The following LRRC37A2 variants were observed in gnomAD, a reference collection of about 807,000 sequenced individuals.
LRRC37A2 encodes the protein leucine rich repeat containing 37 member A2, also known as leucine-rich repeat-containing protein 37A2.
Under a neutral mutation model 68.8 loss-of-function variants are expected in LRRC37A2, and 9 were observed. The observed-to-expected ratio is 0.13, with a 90% confidence interval of 0.08 to 0.23. The LOEUF (loss-of-function observed/expected upper bound fraction) is 0.23, where lower values mean the gene tolerates loss of function less well. LRRC37A2 is among the 10% of genes least tolerant of loss of function. LRRC37A2 has a pLI of 1.00. For missense variants in LRRC37A2, 168 were observed against 950.4 expected (o/e 0.18, Z 10.82); for synonymous variants, 63 against 367.6 (o/e 0.17, Z 9.48).
the LRRC37A2 span, among the ~76,000 whole-genome samples, chr17:47,004,223 T>G: frequency 6.6e-6 from 1 of 152,252 alleles, no homozygotes; most frequent in Non-Finnish European, 1.5e-5. Context: ...TATAATCCTT[T>G]GGGTATATAC....
chr17:46,865,787 A>C, the LRRC37A2 span, among the ~76,000 whole-genome samples: 2 of 151,922 alleles, frequency 1.3e-5, no homozygotes, highest in Admixed American at 1.3e-4. Context: ...TTAATTTTTA[A>C]TTTTGTAGAG....
the LRRC37A2 span, among the ~76,000 whole-genome samples, chr17:46,894,088 T>G: frequency 6.6e-6 from 1 of 152,218 alleles, no homozygotes; most frequent in African/African-American, 2.4e-5. Flanking sequence ...GGTGCCGCCC[T>G]GATTGCAGCC....
chr17:46,943,610 C>CGTAGTA, the LRRC37A2 span, among the ~76,000 whole-genome samples: 1 of 152,218 alleles, frequency 6.6e-6, no homozygotes, highest in Non-Finnish European at 1.5e-5. Context: ...ATCCCGGGCA[C>CGTAGTA]GTAGTAGGCG....
chr17:46,978,529 C>T, the LRRC37A2 span: 2 of 1,346,888 alleles, frequency 1.5e-6, no homozygotes, highest in Non-Finnish European at 2.0e-6. Flanking sequence ...CCCGGGCGCC[C>T]CAGGCACGTA....
the LRRC37A2 span, among the ~76,000 whole-genome samples, chr17:46,829,650 G>A: frequency 2.0e-5 from 3 of 152,152 alleles, no homozygotes; most frequent in East Asian, 5.8e-4. Flanking sequence ...TCTCTGCTGG[G>A]AGGGGCTGGT....
chr17:46,979,528 A>T, the LRRC37A2 span, among the ~76,000 whole-genome samples: 2 of 152,178 alleles, frequency 1.3e-5, no homozygotes, highest in Non-Finnish European at 2.9e-5. Flanking sequence ...TACCCTTAGC[A>T]GTGAAGTTAT....
chr17:46,813,615 A>C, the LRRC37A2 span, among the ~76,000 whole-genome samples: 2 of 151,974 alleles, frequency 1.3e-5, no homozygotes, highest in African/African-American at 4.8e-5. Context: ...CTCCTGGCTC[A>C]TCACATTCTG....
the LRRC37A2 span, among the ~76,000 whole-genome samples, chr17:46,760,965 T>C: frequency 7.4e-4 from 112 of 152,318 alleles, no homozygotes; most frequent in Non-Finnish European, 1.3e-3. Context: ...AGATACCTCA[T>C]TGTATATATG....
At chr17:46,973,671 G>C in the LRRC37A2 span, among the ~76,000 whole-genome samples, 1 of 152,286 alleles carries the variant, frequency 6.6e-6, no homozygotes, top group Admixed American at 6.5e-5. Context: ...CCGAGCTGGG[G>C]TTTGCTGTCC....
the LRRC37A2 span, among the ~76,000 whole-genome samples, chr17:46,500,892 G>A: frequency 6.6e-6 from 1 of 151,034 alleles, no homozygotes; most frequent in South Asian, 2.1e-4. Flanking sequence ...AGAAATGCAA[G>A]TTCTGGGCCG....
At chr17:47,000,070 A>T in the LRRC37A2 span, among the ~76,000 whole-genome samples, 103 of 50,122 alleles carry the variant, frequency 2.1e-3, 12 homozygotes, top group African/African-American at 5.4e-3. Flanking sequence ...AAATTAAAAT[A>T]AAATAAAAAA....
At chr17:46,972,029 C>A in the LRRC37A2 span, among the ~76,000 whole-genome samples, 3 of 152,186 alleles carry the variant, frequency 2.0e-5, no homozygotes, top group Non-Finnish European at 4.4e-5. Flanking sequence ...AGAGGGGGGA[C>A]CTTCCCAAGA....
the LRRC37A2 span, chr17:46,875,308 G>A: frequency 6.2e-7 from 1 of 1,613,870 alleles, no homozygotes; most frequent in African/African-American, 1.3e-5. Flanking sequence ...GGGTCCAAGA[G>A]AGGAAACAAG....
At chr17:46,875,978 G>A in the LRRC37A2 span, among the ~76,000 whole-genome samples, 1 of 151,820 alleles carries the variant, frequency 6.6e-6, no homozygotes, top group African/African-American at 2.4e-5. Context: ...GGTGTGAACC[G>A]GGGCTGCTGT....
chr17:46,851,894 C>G, the LRRC37A2 span, among the ~76,000 whole-genome samples: 1 of 152,202 alleles, frequency 6.6e-6, no homozygotes, highest in African/African-American at 2.4e-5. The surrounding 1 kb of genome is among the most constrained non-coding windows in gnomAD (Gnocchi z 4.3). Context: ...TGAGTTCGGT[C>G]TCCAGCTTCC....
the LRRC37A2 span, among the ~76,000 whole-genome samples, chr17:46,681,559 C>G: frequency 1.4e-5 from 2 of 142,434 alleles, no homozygotes; most frequent in Non-Finnish European, 3.0e-5. Context: ...AACATCTCGT[C>G]TTCAAAAAAA....
the LRRC37A2 span, among the ~76,000 whole-genome samples, chr17:46,874,050 G>A: frequency 6.6e-6 from 1 of 151,356 alleles, no homozygotes; most frequent in Admixed American, 6.6e-5. Flanking sequence ...TCCTAGGCCA[G>A]CTGCTCTCCA....
the LRRC37A2 span, among the ~76,000 whole-genome samples, chr17:46,497,321 G>T: frequency 1.3e-5 from 2 of 148,410 alleles, no homozygotes; most frequent in East Asian, 3.9e-4. Context: ...TTGGATTTAG[G>T]TTTCCTTTTT....
chr17:46,719,797 G>T, the LRRC37A2 span, among the ~76,000 whole-genome samples: 1 of 152,154 alleles, frequency 6.6e-6, no homozygotes, highest in Non-Finnish European at 1.5e-5. This position sits in a 1 kb window ranked among gnomAD's most constrained non-coding sequence, Gnocchi z 4.3. Context: ...TAATCTTGAT[G>T]CTTTCTGAGT....
Sources: allele counts gnomAD v4.1 joint callset (sites outside exome capture counted in the v4.1 genomes callset), GRCh38; gene constraint gnomAD v4.1.1; non-coding constraint Gnocchi (gnomAD v3.1); transcripts MANE v1.5; gene names NCBI Gene and HGNC (gene_info 2026-07-23, HGNC 2026-07-21).